ASTN2: variants seen among roughly 807,000 people sequenced by gnomAD.
ASTN2 encodes astrotactin-2.
In ASTN2, 54 loss-of-function variants were observed where a neutral mutation model predicts 139.8. The ratio of observed to expected loss-of-function variants is 0.39; its 90% CI spans 0.31 to 0.48. The LOEUF is 0.48. Among genes scored for constraint, ASTN2 ranks in the 20% least tolerant of loss-of-function variants. The pLI is 0.95. For synonymous variants in ASTN2, 756 were observed against 719.5 expected (o/e 1.05, Z -0.81); for missense variants, 1,565 against 1,725.1 (o/e 0.91, Z 1.64).
intron 7 of ASTN2, among the ~76,000 whole-genome samples, chr9:116,984,709 G>A (rs1170191938): frequency 6.6e-6 from 1 of 152,246 alleles, no homozygotes; most frequent in Admixed American, 6.5e-5. Context: ...TTTGGGCACT[G>A]TTGAGTATAA....
intron 16 of ASTN2, among the ~76,000 whole-genome samples, chr9:116,671,933 C>T (rs1323233125): frequency 6.6e-6 from 1 of 152,040 alleles, no homozygotes; most frequent in Non-Finnish European, 1.5e-5. Context: ...AGCAGAGAAA[C>T]GAGATAACCT....
chr9:116,501,829 G>A (rs13298297), intron 19 of ASTN2, among the ~76,000 whole-genome samples: 30,719 of 151,218 alleles, frequency 0.2, 3,245 homozygotes, highest in Non-Finnish European at 0.23. Flanking sequence ...TTGTGCACGC[G>A]TACCCTAAAA....
At chr9:116,912,813 C>T (rs534179196) in intron 10 of ASTN2, among the ~76,000 whole-genome samples, 3 of 152,162 alleles carry the variant, frequency 2.0e-5, no homozygotes, top group African/African-American at 4.8e-5. Flanking sequence ...GGTACCATGG[C>T]GGTTAAGAAC....
chr9:116,823,481 A>G (rs139412042), intron 11 of ASTN2, among the ~76,000 whole-genome samples: 12 of 152,292 alleles, frequency 7.9e-5, no homozygotes, highest in African/African-American at 2.6e-4. Flanking sequence ...AAGTTAGAAT[A>G]AGGCAGGGCT....
chr9:116,616,450 A>C (rs117778886), intron 19 of ASTN2, among the ~76,000 whole-genome samples: 1 of 152,224 alleles, frequency 6.6e-6, no homozygotes, highest in Non-Finnish European at 1.5e-5. Context: ...TACATAGTCT[A>C]TAAGAACAAG....
In ASTN2 at chr9:116,805,641, A is replaced by G. The variant is rs779757418; in HGVS notation, c.2387T>C (p.Met796Thr). 3 of 1,613,788 alleles carry G rather than the reference A, an allele frequency of 1.9e-6. No homozygotes were observed. Among genetic ancestry groups the G allele is most frequent in the Non-Finnish European group, 2.5e-6 (3 of 1,179,744 alleles). ...AGTATCTACAGCATACCTAAAGGTC[A>G]TCTGGAAGACTTGGCCTTGGTTCAC... is the stretch of plus-strand genomic sequence containing the variant. ...QHVNQGQVFQ[M>T]TFRENNFIKD... The change falls in exon 13 of 23, where the codon ATG (methionine) becomes ACG (threonine). Residue 796 changes from methionine to threonine, a missense_variant. Transcript: ENST00000313400.
chr9:117,010,978 C>G (rs1837512936), intron 6 of ASTN2, among the ~76,000 whole-genome samples: 1 of 152,148 alleles, frequency 6.6e-6, no homozygotes, highest in Admixed American at 6.6e-5. Context: ...AAAAAGGACT[C>G]AGCTGAGAGT....
rs145037011 is a variant in ASTN2, at chr9:117,406,635, T to G, written c.442+7862A>C. 1.3e-3 allele frequency among the ~76,000 whole-genome samples: 203 copies of G among 152,234 alleles called. 2 individuals are homozygous for G. Among genetic ancestry groups the G allele is most frequent in the African/African-American group, 4.5e-3 (187 of 41,546 alleles). On this transcript the variant is annotated intron_variant, in intron 1 of 22. Coordinates refer to ENST00000313400, the MANE Select transcript of ASTN2 (RefSeq NM_001365068.1). ...CCGCCTGGAATGTGCTTTTCCTAGA[T>G]GCTGCTTGGCTAACTCCTTCCCCTT...
Position 116,651,628 on chromosome 9 carries a change from C to T in ASTN2, c.2972G>A (p.Arg991His), listed in dbSNP as rs746758044. 3.0e-5 allele frequency: 49 copies of T among 1,614,122 alleles called. No homozygotes were observed. Among genetic ancestry groups the T allele is most frequent in the East Asian group, 1.3e-4 (6 of 44,866 alleles). The change falls in exon 17 of 23, where the codon CGC becomes CAC. Residue 991 changes from arginine to histidine, a missense_variant. By Grantham distance (29) the Arg-to-His change is conservative (BLOSUM62 0). Coordinates refer to ENST00000313400, the MANE Select transcript of ASTN2 (RefSeq NM_001365068.1). ...GCTCAGCTGCTCCTTGCCTGGCCGG[C>T]GGCAAAGGTGACAGGTAGATGGACA... ...GRCPSTCHLC[R>H]RPGKEQLSPT...
At chr9:117,169,696 C>A (rs921817057) in intron 3 of ASTN2, among the ~76,000 whole-genome samples, 1 of 151,952 alleles carries the variant, frequency 6.6e-6, no homozygotes, top group Non-Finnish European at 1.5e-5. Flanking sequence ...TCTGTGGGCG[C>A]CTACTATGTG....
At chr9:116,769,732 A>G (rs1829905978) in intron 13 of ASTN2, among the ~76,000 whole-genome samples, 1 of 152,160 alleles carries the variant, frequency 6.6e-6, no homozygotes, top group Admixed American at 6.5e-5. Flanking sequence ...TGATGATCTC[A>G]CTTGTATTTT....
At chr9:117,147,525 G>T (rs1040447234) in intron 3 of ASTN2, among the ~76,000 whole-genome samples, 3 of 151,732 alleles carry the variant, frequency 2.0e-5, no homozygotes, top group Non-Finnish European at 4.4e-5. Context: ...CCGATGAAAC[G>T]CATATGGGTT....
chr9:116,980,734 T>C (rs1271260917), intron 7 of ASTN2, among the ~76,000 whole-genome samples: 4 of 152,198 alleles, frequency 2.6e-5, no homozygotes, highest in African/African-American at 9.7e-5. Flanking sequence ...GCCATAGGTA[T>C]TGGCTTTATT....
At chr9:117,350,093 G>A (rs1002680817) in intron 1 of ASTN2, among the ~76,000 whole-genome samples, 2 of 152,164 alleles carry the variant, frequency 1.3e-5, no homozygotes, top group African/African-American at 4.8e-5. Context: ...AACATTAGGG[G>A]AAGCTGGGTA....
Position 117,312,880 on chromosome 9 carries a change from T to TA in ASTN2, c.443-21368dup, listed in dbSNP as rs200021721. On this transcript the variant is annotated intron_variant, in intron 1 of 22. Transcript: ENST00000313400. ...TCCTTTTAGGAAACCAACAAAACCG[T>TA]AAAAAAAACCCATGGAAAATGCATC... Among the ~76,000 whole-genome samples the TA allele has an allele frequency of 9.5e-3, 1,446 of 151,990 alleles. 19 individuals carry two copies. The highest frequency in any genetic ancestry group is 0.032 in the African/African-American group (1,318 of 41,448).
intron 13 of ASTN2, 58 bp downstream of exon 13, chr9:116,805,574 G>A: frequency 1.9e-6 from 3 of 1,543,124 alleles, no homozygotes; most frequent in African/African-American, 2.7e-5. Flanking sequence ...CTTCCTCCCT[G>A]TGCCCAGGTT....
intron 11 of ASTN2, among the ~76,000 whole-genome samples, chr9:116,837,536 C>T (rs757505602): frequency 2.0e-5 from 3 of 152,132 alleles, no homozygotes; most frequent in Non-Finnish European, 2.9e-5. Context: ...CTTCCTAGCT[C>T]GACTTTTCAT....
At chr9:117,071,301 G>T (rs1158962988) in intron 5 of ASTN2, among the ~76,000 whole-genome samples, 12 of 150,846 alleles carry the variant, frequency 8.0e-5, no homozygotes, top group South Asian at 4.2e-4. Context: ...CTGCTGGGGG[G>T]TGCCTCCCAG....
chr9:116,976,171 G>C lies in ASTN2; in HGVS notation c.1694C>G (p.Thr565Arg). 5.0e-6 allele frequency: 8 copies of C among 1,614,138 alleles called. No homozygotes were observed. The highest frequency in any genetic ancestry group is 6.8e-6 in the Non-Finnish European group (8 of 1,179,980). ...CACCAGATCATAGCCCCTCTCAAGT[G>C]TCGTGTAGGGCCAAGGTCTATGGGA... ...GQSEGPWPYT[T>R]LERGYDLVTG... Residue 565 changes from threonine (T) to arginine (R), a missense_variant, in exon 9 of 23, where the codon ACA (threonine) becomes AGA (arginine). Thr to Arg is a moderately conservative substitution (Grantham distance 71, BLOSUM62 -1). Coordinates refer to ENST00000313400, the MANE Select transcript of ASTN2 (RefSeq NM_001365068.1).
Sources: allele counts gnomAD v4.1 joint callset (sites outside exome capture counted in the v4.1 genomes callset), GRCh38; gene constraint gnomAD v4.1.1; transcripts MANE v1.5; gene names NCBI Gene and HGNC (gene_info 2026-07-23, HGNC 2026-07-21).